The following PDE1A variants were observed in gnomAD, a reference collection of about 807,000 sequenced individuals.
PDE1A encodes the protein dual specificity calcium/calmodulin-dependent 3',5'-cyclic nucleotide phosphodiesterase 1A.
In PDE1A, 35 loss-of-function variants were observed where a neutral mutation model predicts 61.7. The observed-to-expected ratio is 0.57, with a 90% confidence interval of 0.43 to 0.75. The LOEUF (loss-of-function observed/expected upper bound fraction) is 0.75, where lower values mean the gene tolerates loss of function less well. Among genes scored for constraint, PDE1A ranks in the 30% least tolerant of loss-of-function variants. PDE1A has a pLI of 0.00. For synonymous variants in PDE1A, 232 were observed against 213.2 expected, an observed-to-expected ratio of 1.09 and a Z score of -0.77; for missense variants, 597 against 630.6, an observed-to-expected ratio of 0.95 and a Z score of 0.57.
At chr2:182,301,013 G>T (rs916293907) in intron 1 of PDE1A, among the ~76,000 whole-genome samples, 3 of 152,010 alleles carry the variant, frequency 2.0e-5, no homozygotes, top group Non-Finnish European at 4.4e-5. Flanking sequence ...TTCATTATTG[G>T]GATCAATAAA....
At chr2:182,590,996 T>C in the PDE1A span, among the ~76,000 whole-genome samples, 2 of 152,160 alleles carry the variant, frequency 1.3e-5, no homozygotes, top group East Asian at 1.9e-4. Context: ...GCCTCATACA[T>C]AGAAGATGCT....
intron 2 of PDE1A, among the ~76,000 whole-genome samples, chr2:182,468,476 T>C (rs1326073219): frequency 2.0e-5 from 3 of 152,110 alleles, no homozygotes; most frequent in Non-Finnish European, 2.9e-5. Flanking sequence ...TCAGGCTCTA[T>C]TTTTAATTCT....
At chr2:182,424,143 C>T (rs1423828933) in intron 1 of PDE1A, among the ~76,000 whole-genome samples, 1 of 152,026 alleles carries the variant, frequency 6.6e-6, no homozygotes, top group Non-Finnish European at 1.5e-5. Context: ...CAGGGTTTCA[C>T]CATGTTGCCC....
the PDE1A span, among the ~76,000 whole-genome samples, chr2:182,539,014 A>T: frequency 6.6e-6 from 1 of 152,122 alleles, no homozygotes; most frequent in Non-Finnish European, 1.5e-5. Flanking sequence ...CATTTGCAAG[A>T]TCTTGAAGGT....
chr2:182,627,178 A>G, the PDE1A span, among the ~76,000 whole-genome samples: 2 of 57,996 alleles, frequency 3.4e-5, 1 homozygote, highest in African/African-American at 1.4e-4. Flanking sequence ...TAATATTTAT[A>G]TATAAAATAT....
At chr2:182,213,012 TC>T (rs1358904345) in intron 7 of PDE1A, among the ~76,000 whole-genome samples, 42 of 149,036 alleles carry the variant, frequency 2.8e-4, no homozygotes, top group African/African-American at 1.1e-3. Flanking sequence ...GACTTAAATG[TC>T]CCTGTCTGAC....
At chr2:182,382,580 C>T (rs1033853383) in intron 1 of PDE1A, among the ~76,000 whole-genome samples, 4 of 152,104 alleles carry the variant, frequency 2.6e-5, no homozygotes, top group African/African-American at 7.2e-5. Context: ...GAATTTCTGA[C>T]CCACAGAACT....
intron 2 of PDE1A, among the ~76,000 whole-genome samples, chr2:182,517,248 T>G (rs1279214520): frequency 2.0e-5 from 3 of 152,200 alleles, no homozygotes; most frequent in Non-Finnish European, 2.9e-5. Flanking sequence ...TTAAGAACAC[T>G]GGTGGGGAGT....
At chr2:182,207,677 T>C (rs1273645625) in intron 7 of PDE1A, among the ~76,000 whole-genome samples, 2 of 152,170 alleles carry the variant, frequency 1.3e-5, no homozygotes, top group Admixed American at 6.5e-5. Flanking sequence ...AGAAACCTAA[T>C]GTTAATAGCC....
At chr2:182,605,014 T>C in the PDE1A span, among the ~76,000 whole-genome samples, 1 of 124,618 alleles carries the variant, frequency 8.0e-6, no homozygotes, top group African/African-American at 3.3e-5. Flanking sequence ...CATCAGTCTC[T>C]GGGTGGGGGC....
intron 1 of PDE1A, among the ~76,000 whole-genome samples, chr2:182,269,556 C>G (rs300883): frequency 1.3e-3 from 197 of 151,766 alleles, no homozygotes; most frequent in African/African-American, 4.5e-3. Flanking sequence ...TTTATACATA[C>G]TTTTCCAGAA....
chr2:182,187,911 A>C (rs941241275), intron 11 of PDE1A, among the ~76,000 whole-genome samples: 3 of 150,928 alleles, frequency 2.0e-5, no homozygotes, highest in Non-Finnish European at 4.4e-5. Flanking sequence ...CGCCCGGCTA[A>C]TTTTTTGTAT....
chr2:182,533,052 C>T, the PDE1A span, among the ~76,000 whole-genome samples: 2 of 151,526 alleles, frequency 1.3e-5, no homozygotes, highest in African/African-American at 4.9e-5. Flanking sequence ...CGGCTCAGTC[C>T]TGTAAACCCA....
At chr2:182,186,319 T>C (rs1214120784) in intron 12 of PDE1A, 149 bp downstream of exon 12, 1 of 939,818 alleles carries the variant, frequency 1.1e-6, no homozygotes, top group Non-Finnish European at 1.6e-6. Context: ...CAAAGGCAGA[T>C]GCAATATAAT....
intron 1 of PDE1A, among the ~76,000 whole-genome samples, chr2:182,313,593 G>A (rs534172155): frequency 9.9e-5 from 15 of 152,186 alleles, no homozygotes; most frequent in African/African-American, 3.4e-4. Flanking sequence ...TGTTCTAGTT[G>A]ACACTTAATT....
At chr2:182,608,638 C>T in the PDE1A span, among the ~76,000 whole-genome samples, 1 of 152,222 alleles carries the variant, frequency 6.6e-6, no homozygotes, top group Admixed American at 6.5e-5. Flanking sequence ...AGCTGCCTCC[C>T]CACAGGGCAG....
intron 8 of PDE1A, 136 bp from the exon 9 acceptor site, chr2:182,201,925 T>A: frequency 1.6e-6 from 1 of 618,568 alleles, no homozygotes. Flanking sequence ...TTTTTAAATG[T>A]GAAAGTCCAC....
At chr2:182,563,051 T>C in the PDE1A span, among the ~76,000 whole-genome samples, 3 of 152,310 alleles carry the variant, frequency 2.0e-5, no homozygotes, top group South Asian at 4.1e-4. Flanking sequence ...GTGTCTCTAT[T>C]TCCTTCAGTT....
chr2:182,376,436 C>A (rs1177180069), intron 1 of PDE1A, among the ~76,000 whole-genome samples: 1 of 152,178 alleles, frequency 6.6e-6, no homozygotes, highest in Non-Finnish European at 1.5e-5. Flanking sequence ...TAAGAGTCAC[C>A]TTTGCTCCAG....
Sources: gnomAD v4.1 joint callset for allele counts (sites outside exome capture counted in the v4.1 genomes callset) on GRCh38, gnomAD v4.1.1 for gene constraint, MANE v1.5 for transcripts, NCBI Gene and HGNC (gene_info 2026-07-23, HGNC 2026-07-21) for gene names.